Variants in STAT4 observed in about 807,000 individuals in gnomAD.
The protein encoded by STAT4 is signal transducer and activator of transcription 4.
STAT4 carries 42 observed loss-of-function variants against 110.5 expected under a neutral mutation model. The ratio of observed to expected loss-of-function variants is 0.38; its 90% confidence interval spans 0.30 to 0.49. The LOEUF is 0.49. Among genes scored for constraint, STAT4 ranks in the 20% least tolerant of loss-of-function variants. The pLI, the probability that STAT4 is intolerant of heterozygous loss-of-function variation, is 0.95. For synonymous variants in STAT4, 284 were observed against 302.2 expected (o/e 0.94, Z 0.63); for missense variants, 632 against 887.9 (o/e 0.71, Z 3.66).
rs1356562007 is a variant in STAT4 at position 191,042,327 on chromosome 2, A to G, written c.1252-1179T>C. ...CTCAGAGGAAAAGCAAAAAGTAAAA[A>G]TAAATAAATAAATAAAAGAATAAAA... On this transcript the variant is annotated intron_variant, in intron 14 of 23. Transcript: ENST00000392320. This position sits in a 1 kb window ranked among gnomAD's most constrained non-coding sequence, Gnocchi z 4.2. Among the ~76,000 whole-genome samples the G allele has an allele frequency of 6.6e-6, 1 of 152,308 alleles. No homozygotes were observed. The highest frequency in any genetic ancestry group is 6.5e-5 in the Admixed American group (1 of 15,302).
At chr2:191,133,591 A>T (rs1465714535) in intron 3 of STAT4, among the ~76,000 whole-genome samples, 1 of 151,492 alleles carries the variant, frequency 6.6e-6, no homozygotes, top group Non-Finnish European at 1.5e-5. Context: ...CAGGCCATAG[A>T]TTTTTTATTT....
At position 191,033,411 on chromosome 2, in the gene STAT4, A is replaced by G. The variant is rs1320716459; in HGVS notation, c.1852+79T>C. ...CATCACAGACAGATCAACACACCAT[A>G]CACTTCCAAAAACTGAAATCCCAGT... On this transcript the variant is annotated intron_variant, in intron 20 of 23. Transcript: ENST00000392320. This position sits in a 1 kb window ranked among gnomAD's most constrained non-coding sequence, Gnocchi z 6.9. 6.8e-7 allele frequency: 1 copy of G among 1,479,900 alleles called. No individual in the cohort carries two copies. The highest frequency in any genetic ancestry group is 9.1e-7 in the Non-Finnish European group (1 of 1,096,130). The allele number at this position is 1,479,900 out of a possible 1,614,324, so 91.7% of individuals were successfully genotyped here.
At chr2:191,069,871 C>A in intron 5 of STAT4, 100 bp from the exon 6 acceptor site, 1 of 847,178 alleles carries the variant, frequency 1.2e-6, no homozygotes, top group Non-Finnish European at 1.9e-6. Flanking sequence ...TGCTTCCAAT[C>A]TCCAACAGCA....
rs1328975410 is a variant in STAT4 at position 191,053,278 on chromosome 2, G to C, written c.1251+1212C>G. ...GCTTCAAAACTGCATCACGTAGGTG[G>C]TTTTACACCTGCAGCACCTCTGAGC... is the stretch of plus-strand genomic sequence containing the variant. On this transcript the variant is annotated intron_variant, in intron 14 of 23. Coordinates refer to ENST00000392320, the MANE Select transcript of STAT4 (RefSeq NM_003151.4). The surrounding 1 kb of genome is among the most constrained non-coding windows in gnomAD (Gnocchi z 4.5). Among the ~76,000 whole-genome samples, 1 of 152,182 alleles carries C rather than the reference G, an allele frequency of 6.6e-6. No individual in the cohort carries two copies. Among genetic ancestry groups the C allele is most frequent in the East Asian group, 1.9e-4 (1 of 5,204 alleles).
intron 16 of STAT4, among the ~76,000 whole-genome samples, chr2:191,038,377 A>T (rs1696100867): frequency 6.6e-6 from 1 of 152,234 alleles, no homozygotes; most frequent in South Asian, 2.1e-4. Context: ...ATTGAATCAA[A>T]GAGAAAGAAC....
At chr2:191,069,582 C>T in intron 6 of STAT4, 111 bp downstream of exon 6, 1 of 806,350 alleles carries the variant, frequency 1.2e-6, no homozygotes, top group Non-Finnish European at 2.1e-6. Context: ...CTGTATTTCC[C>T]TAGGCTCACC....
chr2:191,076,629 A>T (rs2074166134), intron 3 of STAT4, among the ~76,000 whole-genome samples: 1 of 150,890 alleles, frequency 6.6e-6, no homozygotes, highest in African/African-American at 2.4e-5. Context: ...GTTTACTTTA[A>T]GTTTTGGGCA....
intron 15 of STAT4, among the ~76,000 whole-genome samples, 161 bp downstream of exon 15, chr2:191,040,904 T>C (rs1221377835): frequency 6.6e-6 from 1 of 152,244 alleles, no homozygotes; most frequent in Non-Finnish European, 1.5e-5. Context: ...CAAAATATTA[T>C]GTTAACTAGT....
chr2:191,067,718 C>A (rs1428903425), intron 6 of STAT4, among the ~76,000 whole-genome samples: 1 of 152,070 alleles, frequency 6.6e-6, no homozygotes, highest in Non-Finnish European at 1.5e-5. Flanking sequence ...ATTTGCATGC[C>A]TTTTTCTCCT....
At chr2:191,067,059 CTTTTTTTTTTT>C (rs778886728) in intron 6 of STAT4, among the ~76,000 whole-genome samples, 1 of 133,888 alleles carries the variant, frequency 7.5e-6, no homozygotes, top group African/African-American at 2.7e-5. Flanking sequence ...ACTTTTTTTT[CTTTTTTTTTTT>C]TTCAAAATGC....
chr2:191,032,742 C>G lies in STAT4; in HGVS notation c.2044+216G>C. The G allele has an allele frequency of 1.9e-6, 1 of 515,378 alleles. No homozygotes were observed. 31.9% of individuals were successfully genotyped at this position (515,378 alleles called of 1,614,324 possible). A position where few individuals can be genotyped will look rare whatever the true frequency, so the allele number is the denominator to read the frequency against. On this transcript the variant is annotated intron_variant, in intron 21 of 23. Transcript: ENST00000392320. The surrounding 1 kb of genome is among the most constrained non-coding windows in gnomAD (Gnocchi z 4.9). The stretch of plus-strand genomic sequence containing the variant: ...TGGCCATGGTGAAGTTTAGTTACAG[C>G]TGCTTATTACTCGCTAGTGTTAGAA...
chr2:191,066,559 GA>G lies in STAT4; in HGVS notation c.545-45del. 1 of 1,579,256 alleles carries G rather than the reference GA, an allele frequency of 6.3e-7. No homozygotes were observed. Among genetic ancestry groups the G allele is most frequent in the Non-Finnish European group, 8.7e-7 (1 of 1,152,734 alleles). ...CAGATTTAGAGTTCTCTCTATTCCTGAAAGTCAAGTCAGCCTCAATCCACCA... is the reference window on the plus strand; with the variant it reads ...CAGATTTAGAGTTCTCTCTATTCCTGAAGTCAAGTCAGCCTCAATCCACCA... On this transcript the variant is annotated intron_variant, in intron 6 of 23. Transcript: ENST00000392320. This position sits in a 1 kb window ranked among gnomAD's most constrained non-coding sequence, Gnocchi z 4.3.
chr2:191,058,379 C>G lies in STAT4; in HGVS notation c.1095-160G>C, dbSNP rs1021671446. ...GTGGTGCAATCTTGGCTCACTACAA[C>G]CTCTGCCCCCTGGGTTCAAGCGATT... On this transcript the variant is annotated intron_variant, in intron 11 of 23. Transcript: ENST00000392320. The surrounding 1 kb of genome is among the most constrained non-coding windows in gnomAD (Gnocchi z 4.3). 6.6e-6 allele frequency among the ~76,000 whole-genome samples: 1 copy of G among 152,126 alleles called. No individual in the cohort carries two copies. The highest frequency in any genetic ancestry group is 1.5e-5 in the Non-Finnish European group (1 of 68,026).
chr2:191,093,952 C>T (rs960498947), intron 3 of STAT4, among the ~76,000 whole-genome samples: 2 of 152,184 alleles, frequency 1.3e-5, no homozygotes, highest in Admixed American at 1.3e-4. Flanking sequence ...GCACAAGCTT[C>T]AATAGCCAAT....
Position 191,104,294 on chromosome 2 carries a change from T to A in STAT4, c.274-27969A>T, listed in dbSNP as rs934026658. 2.0e-5 allele frequency among the ~76,000 whole-genome samples: 3 copies of A among 152,198 alleles called. No individual in the cohort carries two copies. Among genetic ancestry groups the A allele is most frequent in the African/African-American group, 7.2e-5 (3 of 41,460 alleles). ...GTATAATTTTTAAAAACACTCTTTT[T>A]TAACTGAACAAAGCTTTGATAATAA... On this transcript the variant is annotated intron_variant, in intron 3 of 23. Transcript: ENST00000392320. This position sits in a 1 kb window ranked among gnomAD's most constrained non-coding sequence, Gnocchi z 4.3.
rs1381546874 is a variant in STAT4 at position 191,066,756 on chromosome 2, G to A, written c.545-241C>T. 6.6e-6 allele frequency among the ~76,000 whole-genome samples: 1 copy of A among 152,004 alleles called. No individual in the cohort carries two copies. Among genetic ancestry groups the A allele is most frequent in the East Asian group, 1.9e-4 (1 of 5,200 alleles). On this transcript the variant is annotated intron_variant, in intron 6 of 23. Transcript: ENST00000392320. The surrounding 1 kb of genome is among the most constrained non-coding windows in gnomAD (Gnocchi z 4.3). ...CAGGAAAAACCATTCTGCACTGGGTGTTTTGTTTTGTTTTGTTTTGGTGGT... is the reference window on the plus strand; with the variant it reads ...CAGGAAAAACCATTCTGCACTGGGTATTTTGTTTTGTTTTGTTTTGGTGGT...
Position 191,030,794 on chromosome 2 carries a change from G to A in STAT4, c.2220+178C>T, listed in dbSNP as rs757990762. Reference sequence around the variant, plus strand: ...AACTGAAGGTGTCTGCTTTCAATACGCATAATATCAGCAACACGCAGGACC... The same window carrying A: ...AACTGAAGGTGTCTGCTTTCAATACACATAATATCAGCAACACGCAGGACC... On this transcript the variant is annotated intron_variant, in intron 23 of 23. Transcript: ENST00000392320. This position sits in a 1 kb window ranked among gnomAD's most constrained non-coding sequence, Gnocchi z 4.4. 5 of 559,140 alleles carry A rather than the reference G, an allele frequency of 8.9e-6. No individual in the cohort carries two copies. The highest frequency in any genetic ancestry group is 6.1e-5 in the East Asian group (2 of 32,588). The allele number at this position is 559,140 out of a possible 1,614,324, so 34.6% of individuals were successfully genotyped here. A position where few individuals can be genotyped will look rare whatever the true frequency, so the allele number is the denominator to read the frequency against.
At position 191,144,296 on chromosome 2, in the gene STAT4, T is replaced by C. The variant is rs537580553; in HGVS notation, c.273+2317A>G. On this transcript the variant is annotated intron_variant, in intron 3 of 23. Transcript: ENST00000392320. The surrounding 1 kb of genome is among the most constrained non-coding windows in gnomAD (Gnocchi z 4.7). ...GGATGAGAACACAGACTAAAGCATG[T>C]GGTGAAGGTTTTCTTGTTGCACTGG... Among the ~76,000 whole-genome samples the C allele has an allele frequency of 1.3e-5, 2 of 152,246 alleles. No homozygotes were observed. Among genetic ancestry groups the C allele is most frequent in the East Asian group, 3.9e-4 (2 of 5,172 alleles).
intron 5 of STAT4, among the ~76,000 whole-genome samples, chr2:191,070,428 A>T (rs1318164306): frequency 6.6e-6 from 1 of 152,160 alleles, no homozygotes; most frequent in Non-Finnish European, 1.5e-5. Flanking sequence ...ACAGAGGAAG[A>T]AGCAGAGGCC....
Sources: gnomAD v4.1 joint callset for allele counts (sites outside exome capture counted in the v4.1 genomes callset) on GRCh38, gnomAD v4.1.1 for gene constraint, Gnocchi (gnomAD v3.1) non-coding constraint, MANE v1.5 for transcripts, NCBI Gene and HGNC (gene_info 2026-07-23, HGNC 2026-07-21) for gene names.